PTPRD: variants seen among roughly 807,000 people sequenced by gnomAD.
PTPRD encodes the protein receptor-type tyrosine-protein phosphatase delta.
Under a neutral mutation model 214.5 loss-of-function variants are expected in PTPRD, and 34 were observed. That is an observed-to-expected ratio of 0.16 (90% CI 0.12 to 0.21). The LOEUF (loss-of-function observed/expected upper bound fraction) is 0.21, where lower values mean the gene tolerates loss of function less well. Among genes scored for constraint, PTPRD ranks in the 10% least tolerant of loss-of-function variants. The pLI is 1.00. For missense variants in PTPRD, 2,545 were observed against 2,398.7 expected (o/e 1.06, Z -1.27); for synonymous variants, 1,128 against 845.7 (o/e 1.33, Z -5.79).
intron 2 of PTPRD, among the ~76,000 whole-genome samples, chr9:10,395,139 T>C (rs2098143068): frequency 6.6e-6 from 1 of 151,574 alleles, no homozygotes; most frequent in East Asian, 2.0e-4. Context: ...CTAGGGTACA[T>C]GTGCACAGCC....
chr9:9,779,672 T>C (rs1424878978), intron 5 of PTPRD, among the ~76,000 whole-genome samples: 1 of 152,168 alleles, frequency 6.6e-6, no homozygotes, highest in Non-Finnish European at 1.5e-5. Flanking sequence ...TTTACACTAG[T>C]CAGAATGGCT....
intron 3 of PTPRD, among the ~76,000 whole-genome samples, chr9:10,158,933 C>T (rs992029596): frequency 1.3e-5 from 2 of 152,114 alleles, no homozygotes; most frequent in Non-Finnish European, 2.9e-5. Flanking sequence ...GTCTTGGAAA[C>T]TCTGCTCTAT....
chr9:8,620,491 A>G (rs1230738974), intron 14 of PTPRD, among the ~76,000 whole-genome samples: 1 of 152,068 alleles, frequency 6.6e-6, no homozygotes, highest in African/African-American at 2.4e-5. Flanking sequence ...TGTCTTGATG[A>G]AAAGGTTATT....
At chr9:9,014,095 A>G (rs531141279) in intron 11 of PTPRD, among the ~76,000 whole-genome samples, 1 of 152,164 alleles carries the variant, frequency 6.6e-6, no homozygotes, top group South Asian at 2.1e-4. Context: ...CGTAAGCTCT[A>G]TGTAATACTC....
intron 2 of PTPRD, among the ~76,000 whole-genome samples, chr9:10,500,169 G>T (rs936949629): frequency 6.6e-6 from 1 of 151,734 alleles, no homozygotes; most frequent in African/African-American, 2.4e-5. Context: ...CAACTTTCAT[G>T]CATATGTATT....
chr9:10,554,693 C>T (rs896037263), intron 2 of PTPRD, among the ~76,000 whole-genome samples: 4 of 151,876 alleles, frequency 2.6e-5, no homozygotes, highest in South Asian at 2.1e-4. Context: ...TGGAGTCTCG[C>T]TTTGTCGCTC....
At chr9:9,410,722 G>A (rs1569568082) in intron 8 of PTPRD, among the ~76,000 whole-genome samples, 1 of 152,082 alleles carries the variant, frequency 6.6e-6, no homozygotes, top group African/African-American at 2.4e-5. Context: ...TTTTAGTTTT[G>A]TTATTTATAC....
intron 8 of PTPRD, among the ~76,000 whole-genome samples, chr9:9,428,956 G>C (rs1019272353): frequency 6.6e-6 from 1 of 152,198 alleles, no homozygotes; most frequent in South Asian, 2.1e-4. Context: ...AAGCAGGAAA[G>C]ATCTAAAATT....
At chr9:9,507,508 T>G (rs775688613) in intron 8 of PTPRD, among the ~76,000 whole-genome samples, 6 of 151,274 alleles carry the variant, frequency 4.0e-5, no homozygotes, top group Non-Finnish European at 5.9e-5. Flanking sequence ...TAAAATGAAT[T>G]ATAAAAGAAT....
In PTPRD at chr9:10,205,701, G is replaced by A. The variant is rs373284801; in HGVS notation, c.-545+135262C>T. The stretch of plus-strand genomic sequence containing the variant: ...ATTACAGGCATGAGCCACCATGCCC[G>A]GCCTGCTTCATCAGCCTAAATAATA... On this transcript the variant is annotated intron_variant, in intron 3 of 45. Coordinates refer to ENST00000381196, the MANE Select transcript of PTPRD (RefSeq NM_002839.4). Among the ~76,000 whole-genome samples the A allele has an allele frequency of 1.7e-3, 256 of 152,120 alleles. 6 individuals are homozygous for A. In the South Asian group the frequency reaches 0.037, roughly 22 times the overall value.
rs374243901 is a variant in PTPRD, at chr9:8,960,836, T to C, written c.-104+57861A>G. 3.0e-4 allele frequency among the ~76,000 whole-genome samples: 45 copies of C among 152,268 alleles called. No individual in the cohort carries two copies. In the South Asian group the frequency reaches 6.0e-3, roughly 20 times the overall value. ...TAAGTGGTTTGTGTACCACACAGCA[T>C]TGTTGGGTTATTAAATGAGGTAATG... On this transcript the variant is annotated intron_variant, in intron 11 of 45. Transcript: ENST00000381196.
intron 9 of PTPRD, among the ~76,000 whole-genome samples, chr9:9,343,854 G>T (rs80170388): frequency 0.011 from 1,723 of 152,034 alleles, 30 homozygotes; most frequent in African/African-American, 0.037. Flanking sequence ...TCAACTAAAT[G>T]TTATATCCTG....
intron 7 of PTPRD, among the ~76,000 whole-genome samples, chr9:9,645,323 C>T (rs1021595889): frequency 6.6e-6 from 1 of 152,052 alleles, no homozygotes; most frequent in African/African-American, 2.4e-5. Flanking sequence ...GCTCTAGAGA[C>T]AAAATGATAC....
At chr9:9,698,953 C>A (rs80210998) in intron 7 of PTPRD, among the ~76,000 whole-genome samples, 3 of 152,202 alleles carry the variant, frequency 2.0e-5, no homozygotes, top group African/African-American at 7.2e-5. Context: ...GCTAGAAGTT[C>A]GGTAATTCAC....
chr9:8,355,443 G>A (rs528872729), intron 39 of PTPRD, among the ~76,000 whole-genome samples: 1 of 151,052 alleles, frequency 6.6e-6, no homozygotes, highest in African/African-American at 2.4e-5. Context: ...CTTTTAGTTC[G>A]AGTGGTATGC....
chr9:10,419,018 A>C (rs1021773860), intron 2 of PTPRD, among the ~76,000 whole-genome samples: 7 of 151,850 alleles, frequency 4.6e-5, no homozygotes, highest in Admixed American at 3.9e-4. Flanking sequence ...AGGACTTAGC[A>C]GAGAAGTGGT....
At chr9:9,373,850 C>T (rs1271023225) in intron 9 of PTPRD, among the ~76,000 whole-genome samples, 2 of 151,998 alleles carry the variant, frequency 1.3e-5, no homozygotes, top group African/African-American at 4.8e-5. Context: ...TGCTCTTTTA[C>T]ATTTTATATT....
chr9:9,717,044 G>A (rs2154429769), intron 7 of PTPRD, among the ~76,000 whole-genome samples: 1 of 152,190 alleles, frequency 6.6e-6, no homozygotes, highest in East Asian at 1.9e-4. Flanking sequence ...GTAAGGAAGG[G>A]AACCAGTTTC....
chr9:9,166,240 G>A (rs893188274), intron 10 of PTPRD, among the ~76,000 whole-genome samples: 3 of 151,594 alleles, frequency 2.0e-5, no homozygotes, highest in Non-Finnish European at 1.5e-5. Context: ...AGAGTTGAGA[G>A]AAACAAAAAT....
Sources: allele counts gnomAD v4.1 joint callset (sites outside exome capture counted in the v4.1 genomes callset), GRCh38; gene constraint gnomAD v4.1.1; transcripts MANE v1.5; gene names NCBI Gene and HGNC (gene_info 2026-07-23, HGNC 2026-07-21).